FAF1: variants seen among roughly 807,000 people sequenced by gnomAD.
FAF1 encodes the protein Fas associated factor 1, also known as FAS-associated factor 1.
In FAF1, 25 loss-of-function variants were observed where a neutral mutation model predicts 92.5. The ratio of observed to expected loss-of-function variants is 0.27; its 90% CI spans 0.20 to 0.38. The LOEUF (loss-of-function observed/expected upper bound fraction) is 0.38, where lower values mean the gene tolerates loss of function less well. Ranked by LOEUF, FAF1 falls within the 10% of genes least tolerant of loss-of-function variation. The pLI is 1.00. For synonymous variants in FAF1, 234 were observed against 273.2 expected, an observed-to-expected ratio of 0.86 and a Z score of 1.42; for missense variants, 636 against 793.3, an observed-to-expected ratio of 0.80 and a Z score of 2.38.
intron 15 of FAF1, among the ~76,000 whole-genome samples, chr1:50,516,316 T>C (rs115737264): frequency 0.013 from 2,030 of 152,256 alleles, 43 homozygotes; most frequent in African/African-American, 0.045. Flanking sequence ...CTTCCTTCCA[T>C]TCCACTTGTT....
At chr1:50,937,124 G>A (rs1176597849) in intron 1 of FAF1, among the ~76,000 whole-genome samples, 3 of 151,980 alleles carry the variant, frequency 2.0e-5, no homozygotes, top group African/African-American at 7.2e-5. Context: ...ACTCAGGTGG[G>A]ATCTTTATGT....
At chr1:50,685,936 A>T (rs1656637665) in intron 7 of FAF1, among the ~76,000 whole-genome samples, 1 of 152,226 alleles carries the variant, frequency 6.6e-6, no homozygotes, top group Non-Finnish European at 1.5e-5. Context: ...TATAAATGAT[A>T]CATGATAATT....
At chr1:50,629,671 G>A (rs1178434967) in intron 8 of FAF1, among the ~76,000 whole-genome samples, 1 of 152,158 alleles carries the variant, frequency 6.6e-6, no homozygotes, top group Non-Finnish European at 1.5e-5. Context: ...TATTCAACAA[G>A]TTGTTAAACC....
Position 50,437,732 on chromosome 1 carries a change from G to C in FAF1, c.*3708C>G, listed in dbSNP as rs1395415160. On this transcript the variant is annotated 3_prime_UTR_variant, in exon 19 of 19. Coordinates refer to ENST00000396153, the MANE Select transcript of FAF1 (RefSeq NM_007051.3). ...GATCCGTTCTTGAATATAAAATTTA[G>C]AGATTCTTGGCCGGGCGCCGTGGCT... is the stretch of plus-strand genomic sequence containing the variant. 6.6e-6 allele frequency: 1 copy of C among 152,002 alleles called. No homozygotes were observed. Among genetic ancestry groups the C allele is most frequent in the African/African-American group, 2.4e-5 (1 of 41,382 alleles). The allele number at this position is 152,002 out of a possible 1,614,324, so 9.4% of individuals were successfully genotyped here.
At chr1:50,945,077 A>G (rs1052144268) in intron 1 of FAF1, among the ~76,000 whole-genome samples, 10 of 152,222 alleles carry the variant, frequency 6.6e-5, no homozygotes, top group African/African-American at 2.2e-4. Context: ...CCAATATTCA[A>G]TGTTTATCCA....
chr1:50,584,662 C>T (rs200052941), intron 10 of FAF1, 23 bp downstream of exon 10: 12 of 1,606,954 alleles, frequency 7.5e-6, no homozygotes, highest in Non-Finnish European at 1.0e-5. Flanking sequence ...TATTGCTGGA[C>T]CCAAAGAGCT....
chr1:50,778,630 T>G (rs993007492), intron 4 of FAF1, among the ~76,000 whole-genome samples: 2 of 152,012 alleles, frequency 1.3e-5, no homozygotes, highest in African/African-American at 4.8e-5. Flanking sequence ...TAAGTGAAAG[T>G]GGATCATCTT....
intron 13 of FAF1, among the ~76,000 whole-genome samples, chr1:50,561,385 C>T (rs981504974): frequency 6.6e-6 from 1 of 152,088 alleles, no homozygotes; most frequent in South Asian, 2.1e-4. Context: ...TATATTAGTA[C>T]CATTAGTGGC....
chr1:50,545,425 T>C (rs1224384680), intron 13 of FAF1, among the ~76,000 whole-genome samples: 4 of 151,952 alleles, frequency 2.6e-5, no homozygotes. Flanking sequence ...TGTGCCACCA[T>C]GCCTGGCTAA....
intron 7 of FAF1, among the ~76,000 whole-genome samples, chr1:50,702,250 A>G (rs1657504507): frequency 1.3e-5 from 2 of 152,058 alleles, no homozygotes; most frequent in Admixed American, 6.6e-5. Flanking sequence ...ACCCACCCCA[A>G]GTGCATTTGT....
chr1:50,583,846 T>G lies in FAF1; in HGVS notation c.968-131A>C. ...AATAAAGAGGAAATAAAATTAAATT[T>G]TAGCTTCTGTGATATATCTGAGGGG... is the stretch of plus-strand genomic sequence containing the variant. On this transcript the variant is annotated intron_variant, in intron 10 of 18. Transcript: ENST00000396153. This position sits in a 1 kb window ranked among gnomAD's most constrained non-coding sequence, Gnocchi z 4.2. 2 of 534,310 alleles carry G rather than the reference T, an allele frequency of 3.7e-6. No homozygotes were observed. The highest frequency in any genetic ancestry group is 5.8e-5 in the East Asian group (2 of 34,418). 33.1% of individuals were successfully genotyped at this position (534,310 alleles called of 1,614,324 possible).
chr1:50,905,147 T>G (rs1644826032), intron 1 of FAF1, among the ~76,000 whole-genome samples: 1 of 152,194 alleles, frequency 6.6e-6, no homozygotes, highest in South Asian at 2.1e-4. Flanking sequence ...TCTGTTTTAC[T>G]GTATTTGCGA....
At chr1:50,510,056 C>A (rs530802460) in intron 15 of FAF1, among the ~76,000 whole-genome samples, 3 of 151,558 alleles carry the variant, frequency 2.0e-5, no homozygotes, top group Non-Finnish European at 4.4e-5. Context: ...GTAGTCCCAG[C>A]TGCTCAGGAG....
intron 17 of FAF1, among the ~76,000 whole-genome samples, chr1:50,484,156 T>A (rs1388821391): frequency 1.3e-5 from 2 of 152,204 alleles, no homozygotes; most frequent in African/African-American, 4.8e-5. Context: ...ATAGAGACAG[T>A]TGATTTGACC....
chr1:50,762,726 C>T (rs1411882061), intron 4 of FAF1, among the ~76,000 whole-genome samples: 1 of 151,988 alleles, frequency 6.6e-6, no homozygotes, highest in African/African-American at 2.4e-5. Context: ...GACCTAAAAC[C>T]ATAAAAACCC....
intron 18 of FAF1, among the ~76,000 whole-genome samples, chr1:50,472,902 G>C (rs187330027): frequency 3.9e-5 from 6 of 152,266 alleles, no homozygotes; most frequent in Admixed American, 3.9e-4. Context: ...ATTCAGAGAA[G>C]AATGAAGGGC....
Position 50,624,897 on chromosome 1 carries a change from C to CTTTTT in FAF1, c.745-28686_745-28682dup, listed in dbSNP as rs34177866. 9.6e-5 allele frequency among the ~76,000 whole-genome samples: 12 copies of CTTTTT among 124,770 alleles called. 1 individual carries two copies. Among genetic ancestry groups the CTTTTT allele is most frequent in the East Asian group, 4.4e-4 (2 of 4,526 alleles). The allele number at this position is 124,770 out of a possible 152,430, so 81.9% of individuals were successfully genotyped here. ...TTATACAGCACTAGAATCCCACACT[C>CTTTTT]TTTTTTTTTTTTTTTTTTTTTGAGA... On this transcript the variant is annotated intron_variant, in intron 8 of 18. Coordinates refer to ENST00000396153, the MANE Select transcript of FAF1 (RefSeq NM_007051.3).
intron 2 of FAF1, among the ~76,000 whole-genome samples, chr1:50,849,641 T>C (rs1000699341): frequency 2.0e-5 from 3 of 152,190 alleles, no homozygotes; most frequent in Non-Finnish European, 4.4e-5. Flanking sequence ...AATGACTGAC[T>C]ATATAGGCTA....
At chr1:50,880,535 T>C (rs1644603530) in intron 1 of FAF1, among the ~76,000 whole-genome samples, 1 of 152,178 alleles carries the variant, frequency 6.6e-6, no homozygotes, top group Non-Finnish European at 1.5e-5. Context: ...AGAGAACTCG[T>C]ACACTATCTC....
Sources: allele counts gnomAD v4.1 joint callset (sites outside exome capture counted in the v4.1 genomes callset), GRCh38; gene constraint gnomAD v4.1.1; non-coding constraint Gnocchi (gnomAD v3.1); transcripts MANE v1.5; gene names NCBI Gene and HGNC (gene_info 2026-07-23, HGNC 2026-07-21).